Variants in PRKN observed in about 807,000 individuals in gnomAD.
PRKN encodes E3 ubiquitin-protein ligase parkin.
A neutral mutation model predicts 59.5 loss-of-function variants in PRKN; 56 were observed. The ratio of observed to expected loss-of-function variants is 0.94; its 90% confidence interval spans 0.76 to 1.18. The LOEUF (loss-of-function observed/expected upper bound fraction) is 1.18, where lower values mean the gene tolerates loss of function less well. PRKN is among the 50% of genes most tolerant of loss of function. The pLI is 0.00. For missense variants in PRKN, 657 were observed against 596.4 expected (o/e 1.10, Z -1.06); for synonymous variants, 250 against 222.1 (o/e 1.13, Z -1.12).
In PRKN at chr6:162,510,471, G is replaced by A. The variant is rs561232321; in HGVS notation, c.8-66998C>T. The stretch of plus-strand genomic sequence containing the variant: ...TCTTGGCATGCAGCCCTTGTTTAGT[G>A]GCCTCCTTGGCCAGCTGCACCGAGG... On this transcript the variant is annotated intron_variant, in intron 1 of 11. Transcript: ENST00000366898. 5.6e-4 allele frequency among the ~76,000 whole-genome samples: 85 copies of A among 152,234 alleles called. 1 individual carries two copies. The highest frequency in any genetic ancestry group is 1.8e-3 in the African/African-American group (75 of 41,546).
At chr6:161,750,116 T>TACAC (rs1159720210) in intron 7 of PRKN, among the ~76,000 whole-genome samples, 22 of 139,158 alleles carry the variant, frequency 1.6e-4, no homozygotes, top group African/African-American at 3.5e-4. Flanking sequence ...TATATATATA[T>TACAC]ATACACACAC....
intron 3 of PRKN, among the ~76,000 whole-genome samples, chr6:162,237,315 A>G (rs1778778963): frequency 6.6e-6 from 1 of 152,220 alleles, no homozygotes; most frequent in South Asian, 2.1e-4. Flanking sequence ...TAGTACATAA[A>G]AAGAGTCAGT....
At position 162,534,579 on chromosome 6, in the gene PRKN, T is replaced by C. The variant is rs142065868; in HGVS notation, c.8-91106A>G. Reference sequence around the variant, plus strand: ...TTATTCAATATACACTGACTGAATATATTTTAAAACTTCAGGGAGTAATTA... The same window carrying C: ...TTATTCAATATACACTGACTGAATACATTTTAAAACTTCAGGGAGTAATTA... On this transcript the variant is annotated intron_variant, in intron 1 of 11. Coordinates refer to ENST00000366898, the MANE Select transcript of PRKN (RefSeq NM_004562.3). Among the ~76,000 whole-genome samples the C allele has an allele frequency of 1.6e-3, 248 of 152,318 alleles. 4 individuals are homozygous for C. Among genetic ancestry groups the C allele is most frequent in the Middle Eastern group, 3.4e-3 (1 of 294 alleles).
intron 6 of PRKN, among the ~76,000 whole-genome samples, chr6:161,867,824 A>G: frequency 6.6e-6 from 1 of 151,542 alleles, no homozygotes; most frequent in Non-Finnish European, 1.5e-5. Flanking sequence ...GCAGCGGCAC[A>G]ATCTTGGCTC....
At position 161,548,992 on chromosome 6, in the gene PRKN, G is replaced by A. The variant is rs752614495; in HGVS notation, c.945C>T (p.Tyr315=). The A allele has an allele frequency of 6.2e-7, 1 of 1,614,150 alleles. No individual in the cohort carries two copies. Among genetic ancestry groups the A allele is most frequent in the Non-Finnish European group, 8.5e-7 (1 of 1,180,018 alleles). ...RILGEEQYNR[Y]QQYGAEECVL... ...CACACTCCTCTGCACCATACTGCTG[G>A]TACCGGTTGTACTGCAAAACCCAAA... is the stretch of plus-strand genomic sequence containing the variant. The change falls in exon 9 of 12, where the codon TAC becomes TAT. Residue 315 remains tyrosine, a synonymous_variant. Coordinates refer to ENST00000366898, the MANE Select transcript of PRKN (RefSeq NM_004562.3). The surrounding 1 kb of genome is among the most constrained non-coding windows in gnomAD (Gnocchi z 4.2).
intron 5 of PRKN, among the ~76,000 whole-genome samples, chr6:162,037,487 C>T (rs1243936214): frequency 6.6e-6 from 1 of 151,970 alleles, no homozygotes. Flanking sequence ...AGAATATGCA[C>T]CCAGTGTTAA....
At chr6:161,885,163 T>C (rs1452260221) in intron 6 of PRKN, among the ~76,000 whole-genome samples, 1 of 151,442 alleles carries the variant, frequency 6.6e-6, no homozygotes, top group Non-Finnish European at 1.5e-5. Context: ...GAAATGCATA[T>C]TCTCAGGCTT....
rs868612489 is a variant in PRKN at position 161,875,072 on chromosome 6, A to C, written c.735-89164T>G. 1.3e-4 allele frequency among the ~76,000 whole-genome samples: 16 copies of C among 123,548 alleles called. 1 individual carries two copies. Among genetic ancestry groups the C allele is most frequent in the African/African-American group, 4.4e-4 (13 of 29,510 alleles). 81.1% of individuals were successfully genotyped at this position (123,548 alleles called of 152,430 possible). The stretch of plus-strand genomic sequence containing the variant: ...TATATATAAAGTATATACATTATAT[A>C]TAAAGTATATATGATATATTATATA... On this transcript the variant is annotated intron_variant, in intron 6 of 11. Coordinates refer to ENST00000366898, the MANE Select transcript of PRKN (RefSeq NM_004562.3).
chr6:162,097,554 T>A (rs1182252023), intron 4 of PRKN, among the ~76,000 whole-genome samples: 1 of 152,208 alleles, frequency 6.6e-6, no homozygotes, highest in Non-Finnish European at 1.5e-5. Context: ...TGCTGAATAG[T>A]TGTAATGTTC....
chr6:161,637,232 C>T (rs1479445082), intron 7 of PRKN, among the ~76,000 whole-genome samples: 1 of 152,124 alleles, frequency 6.6e-6, no homozygotes, highest in African/African-American at 2.4e-5. Context: ...TTGGTGACAC[C>T]ATGCTTCTGC....
At chr6:161,914,662 C>A (rs1297656881) in intron 6 of PRKN, among the ~76,000 whole-genome samples, 1 of 151,982 alleles carries the variant, frequency 6.6e-6, no homozygotes, top group Non-Finnish European at 1.5e-5. Flanking sequence ...TACACTTTGG[C>A]CTCATACATG....
At chr6:161,988,700 C>T (rs1433895736) in intron 5 of PRKN, among the ~76,000 whole-genome samples, 1 of 151,890 alleles carries the variant, frequency 6.6e-6, no homozygotes, top group Non-Finnish European at 1.5e-5. Context: ...GAGCCATGAA[C>T]ACGACAGTGA....
chr6:162,541,407 C>T (rs1207555761), intron 1 of PRKN, among the ~76,000 whole-genome samples: 1 of 152,138 alleles, frequency 6.6e-6, no homozygotes, highest in Non-Finnish European at 1.5e-5. Context: ...GGGCCAGGGG[C>T]CAGCAAAGAG....
chr6:162,215,349 T>G (rs996074921), intron 3 of PRKN, among the ~76,000 whole-genome samples: 1 of 152,182 alleles, frequency 6.6e-6, no homozygotes, highest in African/African-American at 2.4e-5. Flanking sequence ...TCTTTCAGCT[T>G]GCAAAAGATA....
rs1465254855 is a variant in PRKN at position 161,666,558 on chromosome 6, C to T, written c.872-97142G>A. Among the ~76,000 whole-genome samples the T allele has an allele frequency of 3.3e-5, 5 of 152,232 alleles. No individual in the cohort carries two copies. In the East Asian group the frequency reaches 7.7e-4, roughly 24 times the overall value. On this transcript the variant is annotated intron_variant, in intron 7 of 11. Transcript: ENST00000366898. ...ACTCACACATAGCTGCCCCTCACCA[C>T]TACTTATTGATTTTAAGTAAGAAAA...
chr6:162,530,982 G>A (rs1446673932), intron 1 of PRKN, among the ~76,000 whole-genome samples: 3 of 150,164 alleles, frequency 2.0e-5, no homozygotes, highest in Non-Finnish European at 3.0e-5. Flanking sequence ...GCTTGAACCC[G>A]GGAGGCGGAG....
chr6:162,218,454 G>T (rs777936797), intron 3 of PRKN, among the ~76,000 whole-genome samples: 24 of 152,196 alleles, frequency 1.6e-4, no homozygotes, highest in African/African-American at 2.4e-4. Flanking sequence ...TGCTGAGCAT[G>T]GCAGCCGGGG....
chr6:162,480,374 T>C (rs903479105), intron 1 of PRKN, among the ~76,000 whole-genome samples: 1 of 152,140 alleles, frequency 6.6e-6, no homozygotes, highest in African/African-American at 2.4e-5. Flanking sequence ...GCTGTATACA[T>C]TTTTTTACTG....
intron 11 of PRKN, among the ~76,000 whole-genome samples, chr6:161,358,774 C>T (rs954699319): frequency 6.7e-6 from 1 of 148,248 alleles, no homozygotes; most frequent in Non-Finnish European, 1.5e-5. Context: ...TCCATCCCAT[C>T]AGTGCCTTCT....
Sources: gnomAD v4.1 joint callset for allele counts (sites outside exome capture counted in the v4.1 genomes callset) on GRCh38, gnomAD v4.1.1 for gene constraint, Gnocchi (gnomAD v3.1) non-coding constraint, MANE v1.5 for transcripts, NCBI Gene and HGNC (gene_info 2026-07-23, HGNC 2026-07-21) for gene names.